Variants in CDKAL1 observed in about 807,000 individuals in gnomAD.
CDKAL1 encodes the protein CDKAL1 threonylcarbamoyladenosine tRNA methylthiotransferase.
Under a neutral mutation model 68.2 loss-of-function variants are expected in CDKAL1, and 32 were observed. The ratio of observed to expected loss-of-function variants is 0.47; its 90% CI spans 0.35 to 0.63. The LOEUF (loss-of-function observed/expected upper bound fraction) is 0.63, where lower values mean the gene tolerates loss of function less well. Among genes scored for constraint, CDKAL1 ranks in the 30% least tolerant of loss-of-function variants. The pLI, the probability that CDKAL1 is intolerant of heterozygous loss-of-function variation, is 0.00. For missense variants in CDKAL1, 606 were observed against 696.7 expected (o/e 0.87, Z 1.47); for synonymous variants, 234 against 244.3 (o/e 0.96, Z 0.39).
chr6:20,573,474 G>T (rs1764787851), intron 4 of CDKAL1, among the ~76,000 whole-genome samples: 1 of 152,120 alleles, frequency 6.6e-6, no homozygotes, highest in East Asian at 1.9e-4. Context: ...AAGAAAGTAT[G>T]CTGCATTTAT....
intron 13 of CDKAL1, among the ~76,000 whole-genome samples, chr6:21,192,223 T>A (rs9465992): frequency 4.8e-5 from 7 of 146,804 alleles, no homozygotes; most frequent in Admixed American, 4.8e-4. Context: ...GGGTTTCACC[T>A]TGTTAGCCAG....
chr6:20,807,419 C>T (rs566329243), intron 8 of CDKAL1, among the ~76,000 whole-genome samples: 152 of 152,146 alleles, frequency 1.0e-3, no homozygotes, highest in Middle Eastern at 3.4e-3. Flanking sequence ...GATGGGGTTT[C>T]GCCATATTGG....
At position 20,649,292 on chromosome 6, in the gene CDKAL1, GA is replaced by G; in HGVS notation, c.290del (p.Asn97MetfsTer10). ...QLAAYGYKIT[E>X]NASDADLWLL... ...CTTTTTTGTGTTCATTTTTTTAATA[GA>G]AAATGCATCCGATGCAGATTTATGG... On this transcript the variant is annotated frameshift_variant and splice_region_variant, in exon 5 of 16. Transcript: ENST00000274695. LOFTEE classifies it high-confidence loss of function. 6.2e-7 allele frequency: 1 copy of G among 1,600,620 alleles called. No homozygotes were observed. Among genetic ancestry groups the G allele is most frequent in the Non-Finnish European group, 8.5e-7 (1 of 1,173,106 alleles).
intron 11 of CDKAL1, among the ~76,000 whole-genome samples, chr6:21,033,112 GGGAAGTTGTGAAAGAACAGCCT>G (rs1399594639): frequency 6.6e-6 from 1 of 152,128 alleles, no homozygotes; most frequent in East Asian, 1.9e-4. Context: ...AAGTACAGTT[GGGAAGTTGTGAAAGAACAGCCT>G]GGATAATTAG....
intron 5 of CDKAL1, among the ~76,000 whole-genome samples, chr6:20,694,691 C>T (rs1389169646): frequency 1.3e-5 from 2 of 152,118 alleles, no homozygotes; most frequent in Non-Finnish European, 2.9e-5. Context: ...ACTGCTTTCC[C>T]CCTCAGTGAA....
chr6:20,832,756 GTTTT>G lies in CDKAL1; in HGVS notation c.639-13317_639-13314del, dbSNP rs564876241. On this transcript the variant is annotated intron_variant, in intron 8 of 15. Coordinates refer to ENST00000274695, the MANE Select transcript of CDKAL1 (RefSeq NM_017774.3). ...GTTCTTATTGCCTTTAATAGGTACA[GTTTT>G]TATTTAGATGTATAAATTTCAATGG... Among the ~76,000 whole-genome samples, 261 of 152,228 alleles carry G rather than the reference GTTTT, an allele frequency of 1.7e-3. 1 individual carries two copies. Among genetic ancestry groups the G allele is most frequent in the African/African-American group, 5.8e-3 (242 of 41,548 alleles).
intron 7 of CDKAL1, among the ~76,000 whole-genome samples, chr6:20,776,992 G>A (rs958576465): frequency 9.2e-5 from 14 of 152,246 alleles, no homozygotes; most frequent in African/African-American, 3.1e-4. Context: ...AAGCAGTAGG[G>A]AAGGTCTGCG....
intron 9 of CDKAL1, among the ~76,000 whole-genome samples, chr6:20,878,224 A>G (rs949414704): frequency 8.5e-5 from 13 of 152,190 alleles, no homozygotes; most frequent in African/African-American, 3.1e-4. Flanking sequence ...ACAGATTCTC[A>G]GTAAAATTTT....
chr6:20,772,470 G>A (rs1774988249), intron 7 of CDKAL1, among the ~76,000 whole-genome samples: 1 of 152,162 alleles, frequency 6.6e-6, no homozygotes, highest in Non-Finnish European at 1.5e-5. Flanking sequence ...ATATCTGCTT[G>A]CAAAAGATAT....
intron 10 of CDKAL1, among the ~76,000 whole-genome samples, chr6:20,973,628 A>C (rs900161471): frequency 1.3e-5 from 2 of 152,106 alleles, no homozygotes; most frequent in East Asian, 1.9e-4. Context: ...TGTTTGAGAC[A>C]GGGCCTTGCT....
chr6:21,034,500 A>G (rs1769468462), intron 11 of CDKAL1, among the ~76,000 whole-genome samples: 1 of 152,228 alleles, frequency 6.6e-6, no homozygotes, highest in Non-Finnish European at 1.5e-5. Flanking sequence ...ATAAGTGGCC[A>G]ATTAAAGCAG....
chr6:20,779,836 C>T (rs969311499), intron 7 of CDKAL1, among the ~76,000 whole-genome samples: 1 of 151,980 alleles, frequency 6.6e-6, no homozygotes, highest in African/African-American at 2.4e-5. Flanking sequence ...GCTGGGATTA[C>T]AGGTGTGAGC....
At chr6:20,780,368 C>G in intron 7 of CDKAL1, among the ~76,000 whole-genome samples, 1 of 151,806 alleles carries the variant, frequency 6.6e-6, no homozygotes, top group Non-Finnish European at 1.5e-5. Context: ...AAATCCAGCC[C>G]TAAAGTATAA....
intron 11 of CDKAL1, among the ~76,000 whole-genome samples, chr6:21,008,692 A>C (rs974357843): frequency 3.9e-5 from 6 of 152,174 alleles, no homozygotes; most frequent in African/African-American, 1.4e-4. Context: ...TTCCTTGCAC[A>C]GTGCTTGGTT....
intron 13 of CDKAL1, among the ~76,000 whole-genome samples, chr6:21,137,150 G>C (rs1382027871): frequency 2.6e-5 from 4 of 152,214 alleles, no homozygotes; most frequent in African/African-American, 9.6e-5. Context: ...GCATTAATGT[G>C]AACAAAAGGT....
At chr6:21,064,448 G>C (rs1355395986) in intron 11 of CDKAL1, among the ~76,000 whole-genome samples, 1 of 152,176 alleles carries the variant, frequency 6.6e-6, no homozygotes. Flanking sequence ...CAAAGGTTTA[G>C]AAAACAGTAT....
intron 9 of CDKAL1, among the ~76,000 whole-genome samples, chr6:20,950,969 G>A (rs76318877): frequency 1.4e-4 from 19 of 139,532 alleles, no homozygotes; most frequent in East Asian, 2.1e-4. Context: ...AACAGTCTCA[G>A]AAAAAAAAAA....
intron 11 of CDKAL1, among the ~76,000 whole-genome samples, chr6:21,055,538 C>T (rs1346701554): frequency 1.3e-5 from 2 of 152,082 alleles, no homozygotes; most frequent in Non-Finnish European, 2.9e-5. Flanking sequence ...TTCCCCACCT[C>T]AACAGGCTCC....
intron 9 of CDKAL1, among the ~76,000 whole-genome samples, chr6:20,846,887 CAGT>C (rs1778394958): frequency 6.6e-6 from 1 of 152,162 alleles, no homozygotes; most frequent in African/African-American, 2.4e-5. Context: ...GTGCCTGTAA[CAGT>C]GGTGTGTTTT....
Sources: allele counts gnomAD v4.1 joint callset (sites outside exome capture counted in the v4.1 genomes callset), GRCh38; gene constraint gnomAD v4.1.1; transcripts MANE v1.5; gene names NCBI Gene and HGNC (gene_info 2026-07-23, HGNC 2026-07-21).